Variants in IFFO1 observed in about 807,000 individuals in gnomAD.
IFFO1 encodes intermediate filament family orphan 1, also known as non-homologous end joining factor IFFO1.
IFFO1 carries 42 observed loss-of-function variants against 59.6 expected under a neutral mutation model. The observed-to-expected ratio is 0.70, with a 90% CI of 0.55 to 0.91. The LOEUF is 0.91. IFFO1 is among the 40% of genes least tolerant of loss of function. The pLI is 0.00. For synonymous variants in IFFO1, 336 were observed against 342.8 expected, an observed-to-expected ratio of 0.98 and a Z score of 0.22; for missense variants, 711 against 793.2, an observed-to-expected ratio of 0.90 and a Z score of 1.24.
chr12:6,549,944 A>T lies in IFFO1; in HGVS notation c.931-48T>A. 1.3e-6 allele frequency: 2 copies of T among 1,582,630 alleles called. No homozygotes were observed. Among genetic ancestry groups the T allele is most frequent in the Non-Finnish European group, 1.7e-6 (2 of 1,161,404 alleles). On this transcript the variant is annotated intron_variant, in intron 3 of 9. Transcript: ENST00000619571. This position sits in a 1 kb window ranked among gnomAD's most constrained non-coding sequence, Gnocchi z 5.0. ...AGTGAGGAGGCGCCCAGTTCTCCAG[A>T]CAAGGACGAATTAGGCCTGGCAAGG...
chr12:6,548,699 T>G lies in IFFO1; in HGVS notation c.1231A>C (p.Asn411His). The G allele has an allele frequency of 6.2e-7, 1 of 1,614,098 alleles. No homozygotes were observed. The highest frequency in any genetic ancestry group is 1.3e-5 in the African/African-American group (1 of 75,032). ...DEEESTALSI[N>H]EEMQRMLNQL... ...TTGAGCATGCGCTGCATCTCCTCGT[T>G]GATGCTGAGGGCTGTGCTCTCCTCC... The change falls in exon 6 of 10, where the codon AAC (asparagine) becomes CAC (histidine). Residue 411 changes from asparagine (N) to histidine (H), a missense_variant. Physicochemically the swap from Asn to His is moderately conservative, Grantham distance 68 (BLOSUM62 1). This residue lies in a region of IFFO1 where 579 missense variants were observed against 650.3 expected (regional missense o/e 0.89). Transcript: ENST00000619571. The surrounding 1 kb of genome is among the most constrained non-coding windows in gnomAD (Gnocchi z 6.1).
intron 2 of IFFO1, 38 bp downstream of exon 2, chr12:6,550,903 C>G (rs1261126514): frequency 6.2e-7 from 1 of 1,611,900 alleles, no homozygotes; most frequent in South Asian, 1.1e-5. Flanking sequence ...CAGGGGTACC[C>G]AGGGAAGCAC....
Position 6,540,225 on chromosome 12 carries a change from A to ACACC in IFFO1, c.*254_*257dup, listed in dbSNP as rs1946634942. 9 of 556,372 alleles carry ACACC rather than the reference A, an allele frequency of 1.6e-5. No homozygotes were observed. Among genetic ancestry groups the ACACC allele is most frequent in the Admixed American group, 3.3e-5 (1 of 29,950 alleles). The allele number at this position is 556,372 out of a possible 1,614,324, so 34.5% of individuals were successfully genotyped here. ...CATTTTAAAGATGGGGAAGTAGCAG[A>ACACC]CACCCACGCGTGAAGGCAGGAGAGC... On this transcript the variant is annotated 3_prime_UTR_variant, in exon 10 of 10. Transcript: ENST00000619571.
intron 8 of IFFO1, among the ~76,000 whole-genome samples, chr12:6,542,599 C>T (rs1328775931): frequency 6.6e-6 from 1 of 152,228 alleles, no homozygotes; most frequent in Non-Finnish European, 1.5e-5. Context: ...AAACAGGTTA[C>T]AGGGCCAGAC....
At chr12:6,545,176 C>G (rs945522661) in intron 8 of IFFO1, among the ~76,000 whole-genome samples, 10 of 151,882 alleles carry the variant, frequency 6.6e-5, no homozygotes, top group Non-Finnish European at 1.0e-4. Flanking sequence ...GATCGCGCCA[C>G]TGCACTCCAG....
Position 6,549,391 on chromosome 12 carries a change from C to A in IFFO1, c.1080+85G>T. 4 of 1,443,590 alleles carry A rather than the reference C, an allele frequency of 2.8e-6. No individual in the cohort carries two copies. The highest frequency in any genetic ancestry group is 3.9e-6 in the Non-Finnish European group (4 of 1,032,966). The allele number at this position is 1,443,590 out of a possible 1,614,324, so 89.4% of individuals were successfully genotyped here. ...AAAAAATCCGTGCTCAAGAGCCCAGCGGGCCCAAACTGAGGGCCAGGAGGC... is the reference window on the plus strand; with the variant it reads ...AAAAAATCCGTGCTCAAGAGCCCAGAGGGCCCAAACTGAGGGCCAGGAGGC... On this transcript the variant is annotated intron_variant, in intron 5 of 9. Coordinates refer to ENST00000619571, the MANE Select transcript of IFFO1 (RefSeq NM_001193457.2). This position sits in a 1 kb window ranked among gnomAD's most constrained non-coding sequence, Gnocchi z 5.0.
intron 1 of IFFO1, among the ~76,000 whole-genome samples, chr12:6,554,196 A>T (rs1420084022): frequency 6.6e-6 from 1 of 152,044 alleles, no homozygotes; most frequent in Admixed American, 6.5e-5. Flanking sequence ...CATTCGGCCA[A>T]TCCTCACCCA....
intron 8 of IFFO1, among the ~76,000 whole-genome samples, chr12:6,542,013 G>A (rs1946740642): frequency 6.6e-6 from 1 of 152,136 alleles, no homozygotes; most frequent in Admixed American, 6.5e-5. Flanking sequence ...CCTGTACTGC[G>A]CTGGTCCTGG....
rs776041608 is a variant in IFFO1 at position 6,540,602 on chromosome 12, C to T, written c.1611-14G>A. On this transcript the variant is annotated splice_polypyrimidine_tract_variant and intron_variant, in intron 9 of 9. Transcript: ENST00000619571. Reference sequence around the variant, plus strand: ...GCAGGAGACTTTCTAGAAAAAAACACCAGTTGTCAACCTTGGGGCAGGCAG... The same window carrying T: ...GCAGGAGACTTTCTAGAAAAAAACATCAGTTGTCAACCTTGGGGCAGGCAG... 2 of 1,608,584 alleles carry T rather than the reference C, an allele frequency of 1.2e-6. No individual in the cohort carries two copies. The highest frequency in any genetic ancestry group is 2.7e-5 in the African/African-American group (2 of 74,810).
chr12:6,539,465 A>G (rs1335366143), downstream of IFFO1: 1 of 152,156 alleles, frequency 6.6e-6, no homozygotes, highest in Non-Finnish European at 1.5e-5. Flanking sequence ...AAAAAAAAAA[A>G]GTACCTACCT....
chr12:6,556,014 C>T lies in IFFO1; in HGVS notation c.16G>A (p.Gly6Ser). The T allele has an allele frequency of 6.3e-7, 1 of 1,581,096 alleles. No individual in the cohort carries two copies. Among genetic ancestry groups the T allele is most frequent in the South Asian group, 1.1e-5 (1 of 88,346 alleles). Reference protein sequence around the residue: MNPLFGPNLFLLQQEQ... With the variant: MNPLFSPNLFLLQQEQ... The stretch of plus-strand genomic sequence containing the variant: ...TGCTGCAGGAGGAAGAGGTTGGGGC[C>T]GAATAACGGATTCATGGCTGCGCCT... The change falls in exon 1 of 10, where the codon GGC (glycine) becomes AGC (serine). Residue 6 changes from glycine to serine, a missense_variant. Gly to Ser is a moderately conservative substitution (Grantham distance 56). Coordinates refer to ENST00000619571, the MANE Select transcript of IFFO1 (RefSeq NM_001193457.2).
In IFFO1 at chr12:6,549,540, GGAGA is replaced by G; in HGVS notation, c.1072-60_1072-57del. 3 of 1,468,242 alleles carry G rather than the reference GGAGA, an allele frequency of 2.0e-6. No individual in the cohort carries two copies. The highest frequency in any genetic ancestry group is 2.9e-6 in the Non-Finnish European group (3 of 1,048,046). The allele number at this position is 1,468,242 out of a possible 1,614,324, so 91.0% of individuals were successfully genotyped here. On this transcript the variant is annotated intron_variant, in intron 4 of 9. Coordinates refer to ENST00000619571, the MANE Select transcript of IFFO1 (RefSeq NM_001193457.2). This position sits in a 1 kb window ranked among gnomAD's most constrained non-coding sequence, Gnocchi z 5.0. ...GAAGAGAGGAGAGGAAGCAGACAGA[GGAGA>G]GAGAGGGGGAAGGGAGAGACGGCGT...
chr12:6,541,715 G>C lies in IFFO1; in HGVS notation c.1480-73C>G. The stretch of plus-strand genomic sequence containing the variant: ...AGCGCCTCTGTTGCCCCCGCCAGGA[G>C]GCCAACACGCCAAGAGCAGTGGCTG... On this transcript the variant is annotated intron_variant, in intron 8 of 9. Transcript: ENST00000619571. The surrounding 1 kb of genome is among the most constrained non-coding windows in gnomAD (Gnocchi z 4.8). 6.3e-7 allele frequency: 1 copy of C among 1,593,378 alleles called. No homozygotes were observed. Among genetic ancestry groups the C allele is most frequent in the South Asian group, 1.1e-5 (1 of 90,316 alleles).
At chr12:6,540,817 A>G (rs1454500185) in intron 9 of IFFO1, among the ~76,000 whole-genome samples, 1 of 152,200 alleles carries the variant, frequency 6.6e-6, no homozygotes, top group Non-Finnish European at 1.5e-5. Context: ...GAGGTCAGGC[A>G]TGATGGCTCA....
chr12:6,540,598 A>G lies in IFFO1; in HGVS notation c.1611-10T>C. 6.2e-7 allele frequency: 1 copy of G among 1,611,244 alleles called. No individual in the cohort carries two copies. The highest frequency in any genetic ancestry group is 8.5e-7 in the Non-Finnish European group (1 of 1,178,070). On this transcript the variant is annotated splice_polypyrimidine_tract_variant and intron_variant, in intron 9 of 9. Transcript: ENST00000619571. Reference sequence around the variant, plus strand: ...GAAAGCAGGAGACTTTCTAGAAAAAAACACCAGTTGTCAACCTTGGGGCAG... The same window carrying G: ...GAAAGCAGGAGACTTTCTAGAAAAAGACACCAGTTGTCAACCTTGGGGCAG...
chr12:6,541,365 TG>T lies in IFFO1; in HGVS notation c.1610+146del. 9.9e-7 allele frequency: 1 copy of T among 1,014,644 alleles called. No individual in the cohort carries two copies. Among genetic ancestry groups the T allele is most frequent in the Non-Finnish European group, 1.4e-6 (1 of 701,166 alleles). The allele number at this position is 1,014,644 out of a possible 1,614,324, so 62.9% of individuals were successfully genotyped here. On this transcript the variant is annotated intron_variant, in intron 9 of 9. Coordinates refer to ENST00000619571, the MANE Select transcript of IFFO1 (RefSeq NM_001193457.2). This position sits in a 1 kb window ranked among gnomAD's most constrained non-coding sequence, Gnocchi z 4.8. ...CTGCCAAGGGAGAGAGCTGTGGGTC[TG>T]GGCCAGCCCCACCAGGTAACTCCCA...
At position 6,549,680 on chromosome 12, in the gene IFFO1, C is replaced by T. The variant is rs1947146852; in HGVS notation, c.1071+76G>A. 1.3e-5 allele frequency: 20 copies of T among 1,534,608 alleles called. No individual in the cohort carries two copies. Among genetic ancestry groups the T allele is most frequent in the South Asian group, 3.6e-5 (3 of 83,378 alleles). On this transcript the variant is annotated intron_variant, in intron 4 of 9. Coordinates refer to ENST00000619571, the MANE Select transcript of IFFO1 (RefSeq NM_001193457.2). This position sits in a 1 kb window ranked among gnomAD's most constrained non-coding sequence, Gnocchi z 5.0. ...CTCCCCAAGCAGGAGGCAGGGCCTGCGTTCCAGGCCAGCCGCCACGGAAGC... is the reference window on the plus strand; with the variant it reads ...CTCCCCAAGCAGGAGGCAGGGCCTGTGTTCCAGGCCAGCCGCCACGGAAGC...
chr12:6,551,382 C>T (rs1382924894), intron 1 of IFFO1: 68 of 1,298,534 alleles, frequency 5.2e-5, no homozygotes, highest in East Asian at 1.6e-4. Flanking sequence ...CAGGTCCACC[C>T]GGCCCAGTCT....
chr12:6,548,948 G>T lies in IFFO1; in HGVS notation c.1081-99C>A, dbSNP rs1035030061. 2.1e-5 allele frequency: 21 copies of T among 978,426 alleles called. No individual in the cohort carries two copies. The African/African-American group carries it at 2.9e-4, about 14-fold the overall frequency. The allele number at this position is 978,426 out of a possible 1,614,324, so 60.6% of individuals were successfully genotyped here. On this transcript the variant is annotated intron_variant, in intron 5 of 9. Coordinates refer to ENST00000619571, the MANE Select transcript of IFFO1 (RefSeq NM_001193457.2). The surrounding 1 kb of genome is among the most constrained non-coding windows in gnomAD (Gnocchi z 6.1). Reference sequence around the variant, plus strand: ...GGAGAAGCATGAACCAGTAGGAAGGGGGGGCAGACAGAGAGAAAAGTCACA... The same window carrying T: ...GGAGAAGCATGAACCAGTAGGAAGGTGGGGCAGACAGAGAGAAAAGTCACA...
Sources: allele counts gnomAD v4.1 joint callset (sites outside exome capture counted in the v4.1 genomes callset), GRCh38; gene constraint gnomAD v4.1.1; regional missense constraint gnomAD v4.1.1; non-coding constraint Gnocchi (gnomAD v3.1); transcripts MANE v1.5; gene names NCBI Gene and HGNC (gene_info 2026-07-23, HGNC 2026-07-21).